The following BABAM2 variants were observed in gnomAD, a reference collection of about 807,000 sequenced individuals.
BABAM2 encodes BRISC and BRCA1-A complex member 2.
A neutral mutation model predicts 54.7 loss-of-function variants in BABAM2; 31 were observed. The observed-to-expected ratio is 0.57, with a 90% CI of 0.43 to 0.77. The LOEUF (loss-of-function observed/expected upper bound fraction) is 0.77, where lower values mean the gene tolerates loss of function less well. BABAM2 is among the 30% of genes least tolerant of loss of function. BABAM2 has a pLI of 0.00. For synonymous variants in BABAM2, 167 were observed against 162.9 expected, an observed-to-expected ratio of 1.03 and a Z score of -0.19; for missense variants, 364 against 455.8, an observed-to-expected ratio of 0.80 and a Z score of 1.83.
intron 7 of BABAM2, among the ~76,000 whole-genome samples, chr2:28,165,323 C>G (rs775413055): frequency 2.0e-5 from 3 of 152,102 alleles, no homozygotes; most frequent in Non-Finnish European, 4.4e-5. Flanking sequence ...ACAGCACATA[C>G]AGAGGTGAGG....
At chr2:28,334,096 T>C (rs1324480992) in intron 11 of BABAM2, among the ~76,000 whole-genome samples, 2 of 152,188 alleles carry the variant, frequency 1.3e-5, no homozygotes, top group Non-Finnish European at 2.9e-5. Context: ...ATCATGCCTT[T>C]AAATAGCCCT....
At chr2:28,309,834 T>C in intron 11 of BABAM2, 1 of 463,910 alleles carries the variant, frequency 2.2e-6, no homozygotes, top group Non-Finnish European at 3.9e-6. Flanking sequence ...ATAGCTCGGG[T>C]GATCAGAGCC....
intron 2 of BABAM2, among the ~76,000 whole-genome samples, chr2:27,907,983 G>A (rs1666305486): frequency 6.6e-6 from 1 of 152,132 alleles, no homozygotes; most frequent in South Asian, 2.1e-4. Flanking sequence ...TAATATGGGT[G>A]TACAAATACC....
At chr2:28,224,411 A>T (rs1410993089) in intron 7 of BABAM2, among the ~76,000 whole-genome samples, 2 of 152,214 alleles carry the variant, frequency 1.3e-5, no homozygotes, top group African/African-American at 4.8e-5. Flanking sequence ...AACTGCAGAC[A>T]TGAGTGTCAT....
chr2:28,061,187 C>T (rs1047475462), intron 6 of BABAM2, among the ~76,000 whole-genome samples: 2 of 151,972 alleles, frequency 1.3e-5, no homozygotes, highest in Non-Finnish European at 2.9e-5. Context: ...TCCACACATA[C>T]GTGGACAATT....
intron 11 of BABAM2, chr2:28,327,581 C>A: frequency 9.6e-7 from 1 of 1,044,496 alleles, no homozygotes; most frequent in Non-Finnish European, 1.3e-6. Flanking sequence ...TCAACACATA[C>A]TGAGACCACA....
chr2:28,317,526 AGGCAG>A lies in BABAM2; in HGVS notation c.1088+19039_1088+19043del, dbSNP rs554460717. ...ACACTGAAGGCAAACCTGACTGTGCAGGCAGGGCCAGCCCACATGGAAGCCCAGGG... is the reference window on the plus strand; with the variant it reads ...ACACTGAAGGCAAACCTGACTGTGCAGGCCAGCCCACATGGAAGCCCAGGG... On this transcript the variant is annotated intron_variant, in intron 11 of 11. Coordinates refer to ENST00000379624, the MANE Select transcript of BABAM2 (RefSeq NM_199191.3). 3.8e-4 allele frequency among the ~76,000 whole-genome samples: 58 copies of A among 152,366 alleles called. No individual in the cohort carries two copies. In the East Asian group the frequency reaches 0.011, roughly 28 times the overall value.
chr2:27,979,340 CATTTTCTTT>C (rs1558633374), intron 3 of BABAM2, among the ~76,000 whole-genome samples: 1 of 151,730 alleles, frequency 6.6e-6, no homozygotes, highest in African/African-American at 2.4e-5. Flanking sequence ...GGCCTATGTA[CATTTTCTTT>C]ATCAGATTCA....
intron 7 of BABAM2, among the ~76,000 whole-genome samples, chr2:28,147,039 T>G (rs1671557383): frequency 6.6e-6 from 1 of 152,188 alleles, no homozygotes; most frequent in African/African-American, 2.4e-5. Flanking sequence ...GAGTGATTTT[T>G]GCACTTAATG....
Position 28,255,071 on chromosome 2 carries a change from T to C in BABAM2, c.934+10209T>C, listed in dbSNP as rs184026764. On this transcript the variant is annotated intron_variant, in intron 10 of 11. Transcript: ENST00000379624. Reference sequence around the variant, plus strand: ...ATTTTTTAAAAAGATATATTGACGATAGTATTATGACATCTAATTAATTAA... The same window carrying C: ...ATTTTTTAAAAAGATATATTGACGACAGTATTATGACATCTAATTAATTAA... 2.7e-3 allele frequency among the ~76,000 whole-genome samples: 409 copies of C among 152,178 alleles called. 1 individual carries two copies. Among genetic ancestry groups the C allele is most frequent in the African/African-American group, 9.3e-3 (387 of 41,518 alleles).
At chr2:28,147,631 G>A (rs995197315) in intron 7 of BABAM2, among the ~76,000 whole-genome samples, 6 of 151,916 alleles carry the variant, frequency 3.9e-5, no homozygotes, top group East Asian at 1.9e-4. Context: ...CCGCCACCAC[G>A]CCCGGCTAAT....
At chr2:28,018,131 T>G (rs1674978106) in intron 4 of BABAM2, among the ~76,000 whole-genome samples, 1 of 152,204 alleles carries the variant, frequency 6.6e-6, no homozygotes, top group South Asian at 2.1e-4. Context: ...AGTCTTTTAT[T>G]TCTTGCTATC....
intron 10 of BABAM2, among the ~76,000 whole-genome samples, chr2:28,265,769 G>C (rs574244460): frequency 6.6e-6 from 1 of 152,000 alleles, no homozygotes; most frequent in Non-Finnish European, 1.5e-5. Context: ...AAAACATAGG[G>C]ACTCTCTCTA....
chr2:28,173,237 C>T (rs1674553495), intron 7 of BABAM2, among the ~76,000 whole-genome samples: 1 of 152,286 alleles, frequency 6.6e-6, no homozygotes, highest in Non-Finnish European at 1.5e-5. Flanking sequence ...TGCCCTGGTA[C>T]AGGTTACCAT....
chr2:28,251,932 C>G (rs955397051), intron 10 of BABAM2, among the ~76,000 whole-genome samples: 2 of 152,000 alleles, frequency 1.3e-5, no homozygotes, highest in African/African-American at 4.8e-5. Context: ...GGCTCATGCC[C>G]GTAATCCCAG....
At chr2:27,915,006 C>A (rs1449935925) in intron 2 of BABAM2, among the ~76,000 whole-genome samples, 1 of 152,064 alleles carries the variant, frequency 6.6e-6, no homozygotes, top group Non-Finnish European at 1.5e-5. Flanking sequence ...TCTTGATATT[C>A]TTCTCTTTGT....
chr2:28,055,756 A>G (rs748751482), intron 6 of BABAM2, among the ~76,000 whole-genome samples: 12 of 152,220 alleles, frequency 7.9e-5, no homozygotes, highest in Non-Finnish European at 1.2e-4. Context: ...ACCAAAGGAA[A>G]TGAAATCACC....
intron 10 of BABAM2, among the ~76,000 whole-genome samples, chr2:28,283,062 G>GTAGTAAGA (rs1686512950): frequency 6.8e-6 from 1 of 146,262 alleles, no homozygotes; most frequent in Non-Finnish European, 1.5e-5. Context: ...ACTATTATCT[G>GTAGTAAGA]TAGTAAGAGA....
intron 6 of BABAM2, among the ~76,000 whole-genome samples, chr2:28,124,708 C>T (rs966171292): frequency 2.6e-5 from 4 of 152,142 alleles, no homozygotes; most frequent in African/African-American, 7.2e-5. Flanking sequence ...CTGCTCTTAC[C>T]CACTTATCCC....
Sources: gnomAD v4.1 joint callset for allele counts (sites outside exome capture counted in the v4.1 genomes callset) on GRCh38, gnomAD v4.1.1 for gene constraint, MANE v1.5 for transcripts, NCBI Gene and HGNC (gene_info 2026-07-23, HGNC 2026-07-21) for gene names.